The following TMEM266 variants were observed in gnomAD, a reference collection of about 807,000 sequenced individuals.
TMEM266 encodes Hv1 related protein 1.
TMEM266 carries 33 observed loss-of-function variants against 50.5 expected under a neutral mutation model. That is an observed-to-expected ratio of 0.65 (90% confidence interval 0.50 to 0.87). TMEM266 has a LOEUF of 0.87. Ranked by LOEUF, TMEM266 falls within the 40% of genes least tolerant of loss-of-function variation. The pLI, the probability that TMEM266 is intolerant of heterozygous loss-of-function variation, is 0.00. For synonymous variants in TMEM266, 310 were observed against 292.3 expected (o/e 1.06, Z -0.62); for missense variants, 655 against 695.1 (o/e 0.94, Z 0.65).
chr15:76,152,917 G>A (rs1463878392), intron 3 of TMEM266, among the ~76,000 whole-genome samples: 1 of 152,100 alleles, frequency 6.6e-6, no homozygotes, highest in Non-Finnish European at 1.5e-5. Context: ...CTGATGGTGG[G>A]GGCGGCGTTC....
chr15:76,172,367 C>T (rs958400473), intron 7 of TMEM266, among the ~76,000 whole-genome samples: 3 of 152,202 alleles, frequency 2.0e-5, no homozygotes, highest in African/African-American at 7.2e-5. Flanking sequence ...TTTAAAACCA[C>T]TGGGATAGAT....
intron 5 of TMEM266, among the ~76,000 whole-genome samples, chr15:76,164,519 TCTC>T (rs147450173): frequency 0.05 from 7,627 of 151,692 alleles, 428 homozygotes; most frequent in African/African-American, 0.14. Context: ...CAATTTTTCT[TCTC>T]CTCACCAGTG....
At chr15:76,186,978 AG>A (rs2038498202) in intron 8 of TMEM266, among the ~76,000 whole-genome samples, 1 of 151,688 alleles carries the variant, frequency 6.6e-6, no homozygotes, top group African/African-American at 2.4e-5. Context: ...GTACCAGCCC[AG>A]GGCTGTGCTT....
intron 8 of TMEM266, chr15:76,175,965 A>G: frequency 3.4e-6 from 1 of 292,494 alleles, no homozygotes. Context: ...TCGCCCCCTC[A>G]GTTCATCAGA....
intron 9 of TMEM266, among the ~76,000 whole-genome samples, chr15:76,200,661 G>A (rs1341900086): frequency 6.6e-6 from 1 of 152,202 alleles, no homozygotes; most frequent in African/African-American, 2.4e-5. Context: ...CTGGCCCACA[G>A]GGCCTGGGGG....
intron 6 of TMEM266, among the ~76,000 whole-genome samples, chr15:76,170,247 C>T (rs1238677742): frequency 2.6e-5 from 4 of 152,216 alleles, no homozygotes; most frequent in Admixed American, 6.5e-5. Flanking sequence ...TTCTGCTTCC[C>T]GCCACACGGG....
At chr15:76,099,031 C>G (rs1203433734) in intron 1 of TMEM266, among the ~76,000 whole-genome samples, 2 of 152,138 alleles carry the variant, frequency 1.3e-5, no homozygotes, top group African/African-American at 4.8e-5. Flanking sequence ...GGTGGTGGGA[C>G]CCACTGAGCC....
intron 9 of TMEM266, among the ~76,000 whole-genome samples, chr15:76,194,021 G>C (rs2038619924): frequency 6.6e-6 from 1 of 152,178 alleles, no homozygotes; most frequent in Non-Finnish European, 1.5e-5. Flanking sequence ...GGCCACTACT[G>C]CTTTTTTTTT....
chr15:76,192,617 C>T (rs540544126), intron 9 of TMEM266, among the ~76,000 whole-genome samples: 2 of 152,262 alleles, frequency 1.3e-5, no homozygotes, highest in Non-Finnish European at 2.9e-5. Flanking sequence ...AGTCCAGGCC[C>T]GGGGCCACAG....
intron 3 of TMEM266, 40 bp downstream of exon 3, chr15:76,137,935 G>T: frequency 1.3e-6 from 2 of 1,520,250 alleles, no homozygotes; most frequent in South Asian, 2.7e-5. Context: ...GAAGTCCCTG[G>T]GTTAGGCTAG....
chr15:76,095,362 T>C (rs2036908276), intron 1 of TMEM266, among the ~76,000 whole-genome samples: 1 of 152,122 alleles, frequency 6.6e-6, no homozygotes, highest in Non-Finnish European at 1.5e-5. Flanking sequence ...TCTGCATCTA[T>C]TGAGATAATC....
chr15:76,089,349 C>T lies in TMEM266; in HGVS notation c.-97+29333C>T, dbSNP rs113138763. 4.1e-3 allele frequency among the ~76,000 whole-genome samples: 626 copies of T among 151,898 alleles called. 8 individuals are homozygous for T. The highest frequency in any genetic ancestry group is 0.014 in the African/African-American group (590 of 41,466). ...CTGGATCTACAGGCGCCCGCCACCA[C>T]GCCCGGCTAATTTTTTTGTATTTTT... is the stretch of plus-strand genomic sequence containing the variant. On this transcript the variant is annotated intron_variant, in intron 1 of 10. Transcript: ENST00000388942.
In TMEM266 at chr15:76,111,033, T is replaced by C. The variant is rs112505798; in HGVS notation, c.-96-23135T>C. Among the ~76,000 whole-genome samples, 236 of 151,144 alleles carry C rather than the reference T, an allele frequency of 1.6e-3. 2 individuals carry two copies. Among genetic ancestry groups the C allele is most frequent in the African/African-American group, 5.5e-3 (228 of 41,196 alleles). On this transcript the variant is annotated intron_variant, in intron 1 of 10. Transcript: ENST00000388942. ...AACAGGAACTCTCATTCACTGCTGA[T>C]GGGAATGCAAAATGGAACAGCCACT...
rs149094281 is a variant in TMEM266 at position 76,161,779 on chromosome 15, T to C, written c.456+1611T>C. Among the ~76,000 whole-genome samples, 1 of 152,108 alleles carries C rather than the reference T, an allele frequency of 6.6e-6. No individual in the cohort carries two copies. The highest frequency in any genetic ancestry group is 2.4e-5 in the African/African-American group (1 of 41,418). The stretch of plus-strand genomic sequence containing the variant: ...CCTGCTCCCCAGCTTACAGCCCCCA[T>C]GTGGGTCTTGCCCTCCCTGGCCTCT... On this transcript the variant is annotated intron_variant, in intron 5 of 10. Coordinates refer to ENST00000388942, the MANE Select transcript of TMEM266 (RefSeq NM_152335.3). The surrounding 1 kb of genome is among the most constrained non-coding windows in gnomAD (Gnocchi z 4.1).
intron 1 of TMEM266, among the ~76,000 whole-genome samples, chr15:76,070,344 ATTTC>A (rs2036520183): frequency 6.6e-6 from 1 of 152,162 alleles, no homozygotes; most frequent in African/African-American, 2.4e-5. Flanking sequence ...GAAGGGACTT[ATTTC>A]TTTATTTTAT....
intron 7 of TMEM266, 67 bp downstream of exon 7, chr15:76,171,198 A>C: frequency 6.3e-7 from 1 of 1,581,256 alleles, no homozygotes; most frequent in South Asian, 1.2e-5. Context: ...AACTGAGAGG[A>C]GATGCCGTGT....
chr15:76,165,607 C>T (rs1008154865), intron 5 of TMEM266, among the ~76,000 whole-genome samples: 4 of 152,088 alleles, frequency 2.6e-5, no homozygotes, highest in African/African-American at 4.8e-5. Flanking sequence ...TGCAAGGCCA[C>T]GGCCCTGGGG....
At chr15:76,097,206 T>C (rs1258682928) in intron 1 of TMEM266, among the ~76,000 whole-genome samples, 5 of 152,012 alleles carry the variant, frequency 3.3e-5, no homozygotes, top group African/African-American at 4.8e-5. Flanking sequence ...TTCTTCATAG[T>C]GTTGATGTTC....
chr15:76,132,398 C>T (rs887089381), intron 1 of TMEM266, among the ~76,000 whole-genome samples: 14 of 152,038 alleles, frequency 9.2e-5, no homozygotes, highest in African/African-American at 3.4e-4. Flanking sequence ...CGTGAACCAC[C>T]GCGCCTGGCC....
Sources: gnomAD v4.1 joint callset for allele counts (sites outside exome capture counted in the v4.1 genomes callset) on GRCh38, gnomAD v4.1.1 for gene constraint, Gnocchi (gnomAD v3.1) non-coding constraint, MANE v1.5 for transcripts, NCBI Gene and HGNC (gene_info 2026-07-23, HGNC 2026-07-21) for gene names.